RGS6: variants seen among roughly 807,000 people sequenced by gnomAD.
RGS6 encodes regulator of G-protein signaling 6.
A neutral mutation model predicts 78.5 loss-of-function variants in RGS6; 30 were observed. That is an observed-to-expected ratio of 0.38 (90% CI 0.29 to 0.52). The LOEUF is 0.52. Among genes scored for constraint, RGS6 ranks in the 20% least tolerant of loss-of-function variants. The pLI is 0.85. For synonymous variants in RGS6, 206 were observed against 206.0 expected (o/e 1.00, Z 0.00); for missense variants, 495 against 609.7 (o/e 0.81, Z 1.98).
At chr14:71,914,023 G>A in the RGS6 span, among the ~76,000 whole-genome samples, 7 of 152,184 alleles carry the variant, frequency 4.6e-5, no homozygotes. Context: ...ACTCCAACTG[G>A]CCCAGTACAG....
At chr14:72,279,837 A>C (rs1366088471) in intron 2 of RGS6, among the ~76,000 whole-genome samples, 3 of 152,178 alleles carry the variant, frequency 2.0e-5, no homozygotes, top group Admixed American at 1.3e-4. Context: ...TAGAATAGAG[A>C]AGACAAAGAA....
At chr14:72,400,492 G>C (rs7155094) in intron 3 of RGS6, among the ~76,000 whole-genome samples, 1 of 152,052 alleles carries the variant, frequency 6.6e-6, no homozygotes, top group Non-Finnish European at 1.5e-5. Flanking sequence ...TTTGTGTAAG[G>C]CACCTTCAAG....
chr14:72,376,309 A>T (rs1319101604), intron 3 of RGS6, among the ~76,000 whole-genome samples: 1 of 152,240 alleles, frequency 6.6e-6, no homozygotes, highest in South Asian at 2.1e-4. Context: ...GCAAACAAAT[A>T]GATGAAATTA....
the RGS6 span, among the ~76,000 whole-genome samples, chr14:72,624,238 C>T: frequency 1.3e-5 from 2 of 151,540 alleles, no homozygotes; most frequent in African/African-American, 4.9e-5. Context: ...ATTACTATAG[C>T]AGAATTACGA....
the RGS6 span, among the ~76,000 whole-genome samples, chr14:71,916,081 G>A: frequency 6.6e-6 from 1 of 152,172 alleles, no homozygotes; most frequent in African/African-American, 2.4e-5. Flanking sequence ...TTTTCTCATG[G>A]CAGTCCTAGC....
intron 2 of RGS6, among the ~76,000 whole-genome samples, chr14:72,016,030 A>G (rs989474762): frequency 6.6e-5 from 10 of 152,160 alleles, no homozygotes; most frequent in Admixed American, 2.0e-4. Flanking sequence ...TGATGTCTCT[A>G]ATTAAACAGC....
intron 2 of RGS6, among the ~76,000 whole-genome samples, chr14:72,343,668 GGTGA>G (rs1232677936): frequency 6.6e-6 from 1 of 152,136 alleles, no homozygotes; most frequent in African/African-American, 2.4e-5. Flanking sequence ...TAAAGCCTTA[GGTGA>G]GCCCGGGCCA....
At chr14:71,989,149 G>A (rs2094847804) in intron 2 of RGS6, among the ~76,000 whole-genome samples, 1 of 152,240 alleles carries the variant, frequency 6.6e-6, no homozygotes, top group African/African-American at 2.4e-5. Flanking sequence ...CTTTGGGCAC[G>A]TGAATTGCTC....
At chr14:72,514,781 C>T (rs1294718199) in intron 14 of RGS6, among the ~76,000 whole-genome samples, 1 of 152,218 alleles carries the variant, frequency 6.6e-6, no homozygotes, top group Non-Finnish European at 1.5e-5. Context: ...GGATTTGATG[C>T]AGCTGCTGGC....
At chr14:72,062,852 A>T (rs2093959605) in intron 2 of RGS6, among the ~76,000 whole-genome samples, 1 of 152,198 alleles carries the variant, frequency 6.6e-6, no homozygotes, top group African/African-American at 2.4e-5. Flanking sequence ...TCTGAGACAT[A>T]GTCTTGCTCT....
chr14:72,343,867 A>G (rs1187378878), intron 2 of RGS6, among the ~76,000 whole-genome samples: 1 of 152,224 alleles, frequency 6.6e-6, no homozygotes, highest in Non-Finnish European at 1.5e-5. Context: ...ACTCAAATTC[A>G]GGTAATTTGA....
At chr14:72,163,498 A>G (rs192516614) in intron 2 of RGS6, among the ~76,000 whole-genome samples, 7 of 152,350 alleles carry the variant, frequency 4.6e-5, no homozygotes, top group Admixed American at 2.6e-4. Context: ...GGCCTGAGCC[A>G]TTGAAAATAA....
intron 2 of RGS6, among the ~76,000 whole-genome samples, chr14:72,057,827 C>T (rs879646344): frequency 6.6e-6 from 1 of 152,174 alleles, no homozygotes; most frequent in Non-Finnish European, 1.5e-5. Context: ...TCAGGATGTT[C>T]AGAAAGTTAA....
intron 3 of RGS6, among the ~76,000 whole-genome samples, chr14:72,445,763 C>G (rs1055983035): frequency 6.6e-6 from 1 of 152,178 alleles, no homozygotes. Flanking sequence ...ACAGAACTAA[C>G]AGGGTCCCTG....
In RGS6 at chr14:72,364,286, G is replaced by A. The variant is rs1314564309; in HGVS notation, c.184+12092G>A. ...AATCTCATGCTTACCTCTAGTTGCT[G>A]GCACTAGAGTAGAGAATTACATAGA... is the stretch of plus-strand genomic sequence containing the variant. On this transcript the variant is annotated intron_variant, in intron 3 of 17. Transcript: ENST00000553525. Among the ~76,000 whole-genome samples, 4 of 152,116 alleles carry A rather than the reference G, an allele frequency of 2.6e-5. No individual in the cohort carries two copies. The East Asian group carries it at 7.7e-4, about 29-fold the overall frequency.
intron 8 of RGS6, among the ~76,000 whole-genome samples, chr14:72,472,252 CT>C (rs1302534356): frequency 6.6e-6 from 1 of 152,022 alleles, no homozygotes; most frequent in African/African-American, 2.4e-5. Context: ...TCTTTGTCAC[CT>C]GCAATTTCCC....
chr14:72,369,798 C>G (rs994083310), intron 3 of RGS6, among the ~76,000 whole-genome samples: 3 of 152,032 alleles, frequency 2.0e-5, no homozygotes, highest in African/African-American at 7.2e-5. Context: ...CATAACTAAT[C>G]ATATTATTTC....
At chr14:72,094,204 T>G (rs771681957) in intron 2 of RGS6, among the ~76,000 whole-genome samples, 18 of 152,238 alleles carry the variant, frequency 1.2e-4, no homozygotes, top group Non-Finnish European at 2.1e-4. Context: ...GTTTCTTTTT[T>G]GCCTTAGCTA....
chr14:72,395,141 G>A (rs1157090811), intron 3 of RGS6, among the ~76,000 whole-genome samples: 1 of 152,062 alleles, frequency 6.6e-6, no homozygotes, highest in Non-Finnish European at 1.5e-5. Flanking sequence ...TAAATTTAAA[G>A]AAAAATGGCA....
Sources: allele counts gnomAD v4.1 joint callset (sites outside exome capture counted in the v4.1 genomes callset), GRCh38; gene constraint gnomAD v4.1.1; transcripts MANE v1.5; gene names NCBI Gene and HGNC (gene_info 2026-07-23, HGNC 2026-07-21).